The following IGSF11 variants were observed in gnomAD, a reference collection of about 807,000 sequenced individuals.
IGSF11 encodes immunoglobulin superfamily member 11.
Under a neutral mutation model 41.0 loss-of-function variants are expected in IGSF11, and 22 were observed. The ratio of observed to expected loss-of-function variants is 0.54; its 90% CI spans 0.38 to 0.77. The LOEUF is 0.77. Among genes scored for constraint, IGSF11 ranks in the 30% least tolerant of loss-of-function variants. The pLI is 0.00. For missense variants in IGSF11, 444 were observed against 530.8 expected, an observed-to-expected ratio of 0.84 and a Z score of 1.61; for synonymous variants, 219 against 201.3, an observed-to-expected ratio of 1.09 and a Z score of -0.74.
Position 119,122,314 on chromosome 3 carries a change from C to T in IGSF11, c.-13-17109G>A, listed in dbSNP as rs2077344298. ...GCCCTCTCACAGAAGAAAACAGAAC[C>T]GAACTGTATATAGCTGATACCTGCC... On this transcript the variant is annotated intron_variant, in intron 1 of 7. Transcript: ENST00000425327. 2.6e-5 allele frequency among the ~76,000 whole-genome samples: 4 copies of T among 152,176 alleles called. No homozygotes were observed. The South Asian group carries it at 6.2e-4, about 24-fold the overall frequency.
chr3:119,034,795 C>T lies in IGSF11; in HGVS notation c.-213G>A. 7.9e-7 allele frequency: 1 copy of T among 1,272,302 alleles called. No individual in the cohort carries two copies. Among genetic ancestry groups the T allele is most frequent in the Non-Finnish European group, 9.9e-7 (1 of 1,008,934 alleles). The allele number at this position is 1,272,302 out of a possible 1,614,324, so 78.8% of individuals were successfully genotyped here. Reference sequence around the variant, plus strand: ...CGGCTCCGCGGACGCTGAGCTGTGACCAGAGGCGTTCCGGGCTCGCCAGCC... The same window carrying T: ...CGGCTCCGCGGACGCTGAGCTGTGATCAGAGGCGTTCCGGGCTCGCCAGCC... On this transcript the variant is annotated 5_prime_UTR_variant, in exon 1 of 7. Coordinates refer to ENST00000393775, the MANE Select transcript of IGSF11 (RefSeq NM_001015887.3).
chr3:119,079,580 A>G (rs2076556010), intron 1 of IGSF11, among the ~76,000 whole-genome samples: 1 of 152,198 alleles, frequency 6.6e-6, no homozygotes, highest in African/African-American at 2.4e-5. Context: ...AGATACGTGT[A>G]CATGTGTGTT....
intron 1 of IGSF11, among the ~76,000 whole-genome samples, chr3:119,060,301 C>T (rs1291976892): frequency 6.6e-6 from 1 of 152,100 alleles, no homozygotes; most frequent in Admixed American, 6.5e-5. Flanking sequence ...AGGGTCCTAC[C>T]TAATGAGAGC....
Position 119,092,596 on chromosome 3 carries a change from C to T in IGSF11, c.49+12548G>A, listed in dbSNP as rs540694466. ...CCACTCCTCTCAGCCTCCCAAAGTG[C>T]GGGGATTACAGGAATGAGCTACTGT... On this transcript the variant is annotated intron_variant, in intron 1 of 6. Transcript: ENST00000354673. Among the ~76,000 whole-genome samples, 43 of 152,058 alleles carry T rather than the reference C, an allele frequency of 2.8e-4. 1 individual carries two copies. The highest frequency in any genetic ancestry group is 1.3e-4 in the Admixed American group (2 of 15,266).
intron 1 of IGSF11, among the ~76,000 whole-genome samples, chr3:118,973,912 G>A (rs878925237): frequency 9.2e-5 from 14 of 152,072 alleles, no homozygotes; most frequent in African/African-American, 2.4e-4. Flanking sequence ...GAGAACACAC[G>A]CACACAGGGA....
At chr3:119,137,729 A>G (rs532346419) in intron 1 of IGSF11, among the ~76,000 whole-genome samples, 4 of 152,324 alleles carry the variant, frequency 2.6e-5, no homozygotes, top group South Asian at 4.1e-4. Context: ...CATCAAGTTA[A>G]AAAGCTTTTG....
chr3:119,067,786 A>T (rs1176635779), intron 1 of IGSF11, among the ~76,000 whole-genome samples: 1 of 152,200 alleles, frequency 6.6e-6, no homozygotes, highest in Non-Finnish European at 1.5e-5. Flanking sequence ...CATGCCTAGA[A>T]CAGGCAAAAG....
intron 1 of IGSF11, among the ~76,000 whole-genome samples, chr3:119,126,698 T>C (rs762119540): frequency 2.6e-5 from 4 of 152,136 alleles, no homozygotes; most frequent in Non-Finnish European, 4.4e-5. Flanking sequence ...TCCAGACTCC[T>C]TGAATGACAT....
At chr3:119,022,518 G>A (rs1443810379) in intron 1 of IGSF11, among the ~76,000 whole-genome samples, 2 of 152,158 alleles carry the variant, frequency 1.3e-5, no homozygotes, top group African/African-American at 4.8e-5. Flanking sequence ...TATGGTTTGT[G>A]AATTATATCT....
chr3:118,902,805 G>T lies in IGSF11; in HGVS notation c.1011C>A (p.His337Gln), dbSNP rs1278752993. Residue 337 changes from histidine (H) to glutamine (Q), a missense_variant, in exon 7 of 7, where the codon CAC becomes CAA. Transcript: ENST00000393775. ...AGAAAGATTGGCCCAAGTCACTGAAGTGGCTGACTGACTCTGTGTTTCTAT... is the reference window on the plus strand; with the variant it reads ...AGAAAGATTGGCCCAAGTCACTGAATTGGCTGACTGACTCTGTGTTTCTAT... Reference protein sequence around the residue: ...KVHRNTESVSHFSDLGQSFSF... With the variant: ...KVHRNTESVSQFSDLGQSFSF... 7 of 1,614,076 alleles carry T rather than the reference G, an allele frequency of 4.3e-6. No individual in the cohort carries two copies. In the Admixed American group the frequency reaches 1.0e-4, roughly 23 times the overall value.
At chr3:119,066,728 A>G (rs1467282196) in intron 1 of IGSF11, among the ~76,000 whole-genome samples, 1 of 152,122 alleles carries the variant, frequency 6.6e-6, no homozygotes, top group East Asian at 1.9e-4. Flanking sequence ...GCTATACTCC[A>G]GTTTGTTCTT....
At chr3:118,988,088 T>C (rs1346031952) in intron 1 of IGSF11, among the ~76,000 whole-genome samples, 1 of 152,132 alleles carries the variant, frequency 6.6e-6, no homozygotes, top group African/African-American at 2.4e-5. Context: ...CCAACGTTAA[T>C]AGGGCATGAA....
At chr3:118,917,003 G>T (rs555187608) in intron 4 of IGSF11, among the ~76,000 whole-genome samples, 26 of 152,262 alleles carry the variant, frequency 1.7e-4, no homozygotes, top group Admixed American at 3.9e-4. Flanking sequence ...GCTCCTGGAT[G>T]ACTACTGGGT....
intron 1 of IGSF11, among the ~76,000 whole-genome samples, chr3:118,989,989 C>T (rs371648210): frequency 1.3e-5 from 2 of 152,058 alleles, no homozygotes; most frequent in South Asian, 4.2e-4. Flanking sequence ...AGAGCATCTG[C>T]AAAGGCTCGG....
chr3:118,939,949 C>T (rs1943562420), intron 1 of IGSF11, among the ~76,000 whole-genome samples: 2 of 152,040 alleles, frequency 1.3e-5, no homozygotes, highest in Non-Finnish European at 2.9e-5. Flanking sequence ...ATTTATAAAT[C>T]TCTAACCAGA....
At chr3:119,118,431 C>T (rs368175170) in intron 1 of IGSF11, among the ~76,000 whole-genome samples, 14 of 152,330 alleles carry the variant, frequency 9.2e-5, no homozygotes, top group Admixed American at 5.2e-4. Context: ...TGGTCCCTTT[C>T]GGCCACAGCT....
chr3:119,024,232 G>A (rs1192819636), intron 1 of IGSF11, among the ~76,000 whole-genome samples: 1 of 152,026 alleles, frequency 6.6e-6, no homozygotes, highest in East Asian at 1.9e-4. Context: ...CTGTTCTGAG[G>A]ACAACGAAAT....
rs138485036 is a variant in IGSF11 at position 118,950,146 on chromosome 3, A to C, written c.53-19871T>G. 3.7e-3 allele frequency among the ~76,000 whole-genome samples: 563 copies of C among 152,308 alleles called. 2 individuals are homozygous for C. The highest frequency in any genetic ancestry group is 0.013 in the African/African-American group (526 of 41,566). On this transcript the variant is annotated intron_variant, in intron 1 of 6. Transcript: ENST00000393775. The stretch of plus-strand genomic sequence containing the variant: ...TTGATGCTACCACTCTTTCTAAAGA[A>C]ACCACAGCACATACACACTCACTCT...
chr3:119,141,976 G>A (rs78754589), intron 1 of IGSF11, among the ~76,000 whole-genome samples: 11,389 of 152,030 alleles, frequency 0.075, 561 homozygotes, highest in Admixed American at 0.16. Flanking sequence ...TGAATAATTA[G>A]TGTATCAAAA....
Sources: allele counts gnomAD v4.1 joint callset (sites outside exome capture counted in the v4.1 genomes callset), GRCh38; gene constraint gnomAD v4.1.1; transcripts MANE v1.5; gene names NCBI Gene and HGNC (gene_info 2026-07-23, HGNC 2026-07-21).